The following PLEC variants were observed in gnomAD, a reference collection of about 807,000 sequenced individuals.
PLEC encodes the protein hemidesmosomal protein 1.
In PLEC, 216 loss-of-function variants were observed where a neutral mutation model predicts 392.8. The ratio of observed to expected loss-of-function variants is 0.55; its 90% CI spans 0.49 to 0.62. The LOEUF (loss-of-function observed/expected upper bound fraction) is 0.62, where lower values mean the gene tolerates loss of function less well. Among genes scored for constraint, PLEC ranks in the 20% least tolerant of loss-of-function variants. The pLI is 0.00. For synonymous variants in PLEC, 3,621 were observed against 2,980.6 expected, an observed-to-expected ratio of 1.21 and a Z score of -7.00; for missense variants, 6,863 against 6,563.4, an observed-to-expected ratio of 1.05 and a Z score of -1.58.
At position 143,919,997 on chromosome 8, in the gene PLEC, C is replaced by T. The variant is rs782481395; in HGVS notation, c.9824G>A (p.Arg3275His). The change falls in exon 32 of 32, where the codon CGC (arginine) becomes CAC (histidine). Residue 3275 changes from arginine to histidine, a missense_variant. By Grantham distance (29) the Arg-to-His change is conservative. Coordinates refer to ENST00000345136, the MANE Select transcript of PLEC (RefSeq NM_201384.3). The part of the protein sequence containing the change: ...EQRQELLRQF[R>H]TGKVTVEKVI... Reference sequence around the variant, plus strand: ...CTTCTCCACGGTGACCTTGCCCGTGCGGAACTGACGCAACAGCTCCTGCCG... The same window carrying T: ...CTTCTCCACGGTGACCTTGCCCGTGTGGAACTGACGCAACAGCTCCTGCCG... 2.2e-5 allele frequency: 36 copies of T among 1,613,162 alleles called. No homozygotes were observed. The highest frequency in any genetic ancestry group is 5.5e-5 in the South Asian group (5 of 91,090).
At position 143,919,494 on chromosome 8, in the gene PLEC, T is replaced by G. The variant is rs1403623934; in HGVS notation, c.10327A>C (p.Ser3443Arg). 4.3e-6 allele frequency: 7 copies of G among 1,612,990 alleles called. No homozygotes were observed. Among genetic ancestry groups the G allele is most frequent in the Non-Finnish European group, 5.9e-6 (7 of 1,179,894 alleles). The change falls in exon 32 of 32, where the codon AGC (serine) becomes CGC (arginine). Residue 3443 changes from serine to arginine, a missense_variant. Ser to Arg is a moderately radical substitution (Grantham distance 110). Transcript: ENST00000345136. Reference sequence around the variant, plus strand: ...ATGGCCTGGAAGAGGGAGATGGTGCTGCCCGAGTAGGGGTCTCTGTAGCCG... The same window carrying G: ...ATGGCCTGGAAGAGGGAGATGGTGCGGCCCGAGTAGGGGTCTCTGTAGCCG... ...VTGYRDPYSG[S>R]TISLFQAMQK... is the part of the protein sequence containing the mutation.
intron 19 of PLEC, among the ~76,000 whole-genome samples, chr8:143,930,847 T>C (rs1827029650): frequency 6.6e-6 from 1 of 152,098 alleles, no homozygotes; most frequent in Non-Finnish European, 1.5e-5. Flanking sequence ...CTGCAGAAGG[T>C]ACTGCCTCCT....
intron 12 of PLEC, 83 bp downstream of exon 12, chr8:143,933,915 C>T (rs774248742): frequency 2.2e-5 from 28 of 1,249,726 alleles, no homozygotes; most frequent in Non-Finnish European, 2.7e-5. Context: ...AGGGGGACAG[C>T]CCCCTCCTGG....
chr8:143,973,628 G>A, upstream of PLEC: 6 of 723,892 alleles, frequency 8.3e-6, no homozygotes, highest in Non-Finnish European at 1.0e-5. This position sits in a 1 kb window ranked among gnomAD's most constrained non-coding sequence, Gnocchi z 5.6. Context: ...CGGGGCCGGG[G>A]CCGCCGCGGC....
At chr8:143,933,384 C>T in intron 12 of PLEC, 33 bp from the exon 13 acceptor site, 1 of 1,604,080 alleles carries the variant, frequency 6.2e-7, no homozygotes, top group Non-Finnish European at 8.5e-7. Context: ...CGGAGCACAG[C>T]TGATCCCCCT....
At position 143,918,816 on chromosome 8, in the gene PLEC, C is replaced by T. The variant is rs1382452627; in HGVS notation, c.11005G>A (p.Gly3669Ser). ...AGAGCCTCACGGAGGCTCCTGGTGC[C>T]CTCCCGGAGCAGGTTGTAGGTCTCG... is the stretch of plus-strand genomic sequence containing the variant. ...SLETYNLLRE[G>S]TRSLREALEA... The change falls in exon 32 of 32, where the codon GGC becomes AGC. Residue 3669 changes from glycine (G) to serine (S), a missense_variant. By Grantham distance (56) the Gly-to-Ser change is moderately conservative. Transcript: ENST00000345136. The T allele has an allele frequency of 8.7e-6, 14 of 1,613,194 alleles. No individual in the cohort carries two copies. Among genetic ancestry groups the T allele is most frequent in the African/African-American group, 5.3e-5 (4 of 75,058 alleles).
chr8:143,918,929 A>G lies in PLEC; in HGVS notation c.10892T>C (p.Ile3631Thr). 1 of 1,610,742 alleles carries G rather than the reference A, an allele frequency of 6.2e-7. No homozygotes were observed. The highest frequency in any genetic ancestry group is 1.1e-5 in the South Asian group (1 of 91,084). The change falls in exon 32 of 32, where the codon ATC (isoleucine) becomes ACC (threonine). Residue 3631 changes from isoleucine to threonine, a missense_variant. Coordinates refer to ENST00000345136, the MANE Select transcript of PLEC (RefSeq NM_201384.3). ...IIIEIIEKTEIIRQQGLASYD... is the reference protein window; with the variant it reads ...IIIEIIEKTETIRQQGLASYD... ...GGAGGCCAGACCCTGCTGGCGGATG[A>G]TCTCTGTCTTCTCAATGATCTCGAT...
chr8:143,944,582 C>G (rs1438634114), upstream of PLEC: 7 of 1,016,960 alleles, frequency 6.9e-6, no homozygotes, highest in Non-Finnish European at 8.0e-6. Context: ...TCAGCCCCAG[C>G]CCTCTGGCCC....
Position 143,921,024 on chromosome 8 carries a change from AG to A in PLEC, c.8796del (p.Phe2933SerfsTer78). On this transcript the variant is annotated frameshift_variant, in exon 32 of 32. Coordinates refer to ENST00000345136, the MANE Select transcript of PLEC (RefSeq NM_201384.3). LOFTEE classifies it high-confidence loss of function. The part of the protein sequence containing the change: ...VTIWEIINSE[Y>X]FTAEQRRDLL... ...AGGTCCCGCCGCTGCTCTGCCGTGA[AG>A]TATTCCGAGTTGATGATCTCCCAAA... The A allele has an allele frequency of 6.2e-7, 1 of 1,613,078 alleles. No individual in the cohort carries two copies. Among genetic ancestry groups the A allele is most frequent in the Non-Finnish European group, 8.5e-7 (1 of 1,180,034 alleles).
chr8:143,944,865 G>A (rs915817882), intron 1 of PLEC: 12 of 506,308 alleles, frequency 2.4e-5, no homozygotes, highest in South Asian at 1.3e-4. Flanking sequence ...AGGAGGGCGC[G>A]CAAGGACCGT....
intron 22 of PLEC, 46 bp from the exon 23 acceptor site, chr8:143,929,875 C>G: frequency 1.2e-6 from 2 of 1,601,726 alleles, no homozygotes; most frequent in Non-Finnish European, 1.7e-6. Context: ...GCGGCCGTGC[C>G]CTGCACAACG....
chr8:143,968,607 T>G (rs1833247915), intron 1 of PLEC, among the ~76,000 whole-genome samples: 1 of 151,098 alleles, frequency 6.6e-6, no homozygotes, highest in Non-Finnish European at 1.5e-5. Context: ...GCAAATCATA[T>G]TTCTGATAAA....
upstream of PLEC, chr8:143,953,753 T>A: frequency 6.2e-7 from 1 of 1,612,246 alleles, no homozygotes; most frequent in Non-Finnish European, 8.5e-7. Context: ...TCGTTCTGGA[T>A]GGCTCGCGAG....
intron 1 of PLEC, among the ~76,000 whole-genome samples, chr8:143,971,236 A>T (rs1302345036): frequency 2.0e-5 from 3 of 152,198 alleles, no homozygotes. Flanking sequence ...AGGCAATGCC[A>T]CAGAGGGGAG....
rs1299925170 is a variant in PLEC at position 143,923,047 on chromosome 8, C to A, written c.6882G>T (p.Arg2294=). 54 of 1,611,130 alleles carry A rather than the reference C, an allele frequency of 3.4e-5. No individual in the cohort carries two copies. Among genetic ancestry groups the A allele is most frequent in the Non-Finnish European group, 4.3e-5 (51 of 1,179,726 alleles). Residue 2294 remains arginine (R), a synonymous_variant, in exon 31 of 32, where the codon CGG becomes CGT. Transcript: ENST00000345136. The stretch of plus-strand genomic sequence containing the variant: ...GTGCCAGGTCCTCCTCTGCCAGCTG[C>A]CGCAGTCGCGCAGCCTCTTGGGCCG... ...SVAAQEAARL[R]QLAEEDLAQQ... is the part of the protein sequence containing the mutation.
At position 143,926,645 on chromosome 8, in the gene PLEC, C is replaced by G. The variant is rs1160197570; in HGVS notation, c.4044+139G>C. 113 of 785,654 alleles carry G rather than the reference C, an allele frequency of 1.4e-4. No homozygotes were observed. In the East Asian group the frequency reaches 2.7e-3, roughly 19 times the overall value. The allele number at this position is 785,654 out of a possible 1,614,324, so 48.7% of individuals were successfully genotyped here. A position where few individuals can be genotyped will look rare whatever the true frequency, so the allele number is the denominator to read the frequency against. The stretch of plus-strand genomic sequence containing the variant: ...AGCCTGGGGCAGGCTGAGCTGGGGG[C>G]AGGGGGTGCTGGCAGCGCCAGTGGG... On this transcript the variant is annotated intron_variant, in intron 30 of 31. Coordinates refer to ENST00000345136, the MANE Select transcript of PLEC (RefSeq NM_201384.3).
upstream of PLEC, among the ~76,000 whole-genome samples, chr8:143,953,265 A>G (rs1474288498): frequency 8.9e-5 from 1 of 11,292 alleles, no homozygotes; most frequent in African/African-American, 3.9e-4. Context: ...CCCCCACCCC[A>G]CCCCAAGACA....
chr8:143,956,705 G>T (rs1395361129), upstream of PLEC, among the ~76,000 whole-genome samples: 2 of 151,430 alleles, frequency 1.3e-5, no homozygotes, highest in African/African-American at 4.8e-5. Context: ...GCCCGCCTGT[G>T]AGTGGCCACC....
chr8:143,969,863 C>T lies in PLEC; in HGVS notation c.70+3540G>A, dbSNP rs1166012916. ...GTGAGAATGAGGCCGGGGTGAGTAC[C>T]GTTGGTGAGTGGGTGGCGTTGGTGT... On this transcript the variant is annotated intron_variant, in intron 1 of 31. Coordinates refer to the PLEC transcript ENST00000356346. The surrounding 1 kb of genome is among the most constrained non-coding windows in gnomAD (Gnocchi z 5.1). 2.1e-5 allele frequency among the ~76,000 whole-genome samples: 3 copies of T among 143,072 alleles called. No homozygotes were observed. The highest frequency in any genetic ancestry group is 2.4e-4 in the South Asian group (1 of 4,226). 93.9% of individuals were successfully genotyped at this position (143,072 alleles called of 152,430 possible). A position where few individuals can be genotyped will look rare whatever the true frequency, so the allele number is the denominator to read the frequency against.
Sources: allele counts gnomAD v4.1 joint callset (sites outside exome capture counted in the v4.1 genomes callset), GRCh38; gene constraint gnomAD v4.1.1; non-coding constraint Gnocchi (gnomAD v3.1); transcripts MANE v1.5; gene names NCBI Gene and HGNC (gene_info 2026-07-23, HGNC 2026-07-21).